The following CFAP57 variants were observed in gnomAD, a reference collection of about 807,000 sequenced individuals.
The protein encoded by CFAP57 is cilia and flagella associated protein 57, also known as cilia- and flagella-associated protein 57.
A neutral mutation model predicts 146.8 loss-of-function variants in CFAP57; 116 were observed. That is an observed-to-expected ratio of 0.79 (90% CI 0.68 to 0.92). The LOEUF (loss-of-function observed/expected upper bound fraction) is 0.92. Among genes scored for constraint, CFAP57 ranks in the 40% least tolerant of loss-of-function variants. CFAP57 has a pLI of 0.00. For missense variants in CFAP57, 1,377 were observed against 1,527.2 expected (o/e 0.90, Z 1.64); for synonymous variants, 518 against 552.8 (o/e 0.94, Z 0.88).
intron 6 of CFAP57, among the ~76,000 whole-genome samples, chr1:43,192,689 C>A (rs1236588913): frequency 6.6e-6 from 1 of 151,864 alleles, no homozygotes; most frequent in African/African-American, 2.4e-5. Context: ...CTTTGGGAGG[C>A]CGAGGTGGGT....
intron 12 of CFAP57, among the ~76,000 whole-genome samples, chr1:43,217,302 G>A (rs1038835190): frequency 3.3e-5 from 5 of 152,102 alleles, no homozygotes; most frequent in African/African-American, 1.2e-4. Context: ...TTCGCATCTC[G>A]GAGAGAATAA....
At chr1:43,204,277 A>T (rs913952005) in intron 9 of CFAP57, among the ~76,000 whole-genome samples, 1 of 152,146 alleles carries the variant, frequency 6.6e-6, no homozygotes, top group Non-Finnish European at 1.5e-5. Context: ...AGTTAATTGA[A>T]CTTATTTGTA....
chr1:43,253,873 T>C (rs1011828658), intron 22 of CFAP57, 104 bp from the exon 23 acceptor site: 6 of 1,012,990 alleles, frequency 5.9e-6, no homozygotes, highest in African/African-American at 1.6e-5. Context: ...TGCTCCACAG[T>C]AGGTGCCCAA....
intron 4 of CFAP57, chr1:43,184,902 G>T (rs542455287): frequency 8.3e-6 from 4 of 479,168 alleles, no homozygotes; most frequent in Non-Finnish European, 1.5e-5. Flanking sequence ...GCATACCTGC[G>T]ACTGTTTTCC....
At chr1:43,181,881 A>G (rs1219511169) in intron 3 of CFAP57, 31 bp downstream of exon 3, 1 of 1,607,976 alleles carries the variant, frequency 6.2e-7, no homozygotes, top group Non-Finnish European at 8.5e-7. Context: ...TATCGTGAAA[A>G]TTATAAAAAA....
intron 16 of CFAP57, 98 bp from the exon 17 acceptor site, chr1:43,223,948 G>A (rs1490320019): frequency 1.5e-6 from 2 of 1,360,534 alleles, no homozygotes; most frequent in Non-Finnish European, 1.0e-6. Flanking sequence ...TCCACAGAAG[G>A]TGGCCAGTGG....
At chr1:43,240,051 G>T (rs1477528757) in intron 21 of CFAP57, among the ~76,000 whole-genome samples, 1 of 152,198 alleles carries the variant, frequency 6.6e-6, no homozygotes, top group Non-Finnish European at 1.5e-5. Context: ...GCAAGGAGAA[G>T]GTCCATGGGA....
chr1:43,232,414 G>A (rs935304848), intron 18 of CFAP57, 94 bp from the exon 19 acceptor site: 9 of 998,332 alleles, frequency 9.0e-6, no homozygotes, highest in Non-Finnish European at 1.4e-5. Flanking sequence ...CCGGGTGTCA[G>A]GGGTGGCATC....
chr1:43,218,869 T>C lies in CFAP57; in HGVS notation c.2092-513T>C, dbSNP rs996459760. On this transcript the variant is annotated intron_variant, in intron 12 of 22. Transcript: ENST00000372492. Reference sequence around the variant, plus strand: ...ATAAATATCTTCTGAGATCTTACTCTGTGTTAGACATTGTTCCCGTACTTG... The same window carrying C: ...ATAAATATCTTCTGAGATCTTACTCCGTGTTAGACATTGTTCCCGTACTTG... Among the ~76,000 whole-genome samples the C allele has an allele frequency of 1.4e-4, 21 of 152,236 alleles. 1 individual carries two copies. The highest frequency in any genetic ancestry group is 4.4e-5 in the Non-Finnish European group (3 of 68,040).
In CFAP57 at chr1:43,226,905, C is replaced by T. The variant is rs1399235500; in HGVS notation, c.2866-78C>T. On this transcript the variant is annotated intron_variant, in intron 17 of 22. Coordinates refer to ENST00000372492, the MANE Select transcript of CFAP57 (RefSeq NM_001378189.1). ...CTTCAACCAGGAGAGTCACAGGCTT[C>T]GTGCTCTTTTGCCCTAAAGGGCTGC... is the stretch of plus-strand genomic sequence containing the variant. The T allele has an allele frequency of 2.1e-5, 29 of 1,398,108 alleles. No individual in the cohort carries two copies. The East Asian group carries it at 2.6e-4, about 13-fold the overall frequency. The allele number at this position is 1,398,108 out of a possible 1,614,324, so 86.6% of individuals were successfully genotyped here. A position where few individuals can be genotyped will look rare whatever the true frequency, so the allele number is the denominator to read the frequency against.
At position 43,206,886 on chromosome 1, in the gene CFAP57, T is replaced by A; in HGVS notation, c.1709T>A (p.Phe570Tyr). 6.2e-7 allele frequency: 1 copy of A among 1,614,176 alleles called. No individual in the cohort carries two copies. The highest frequency in any genetic ancestry group is 2.2e-5 in the East Asian group (1 of 44,866). Residue 570 changes from phenylalanine to tyrosine, a missense_variant, in exon 10 of 23, where the codon TTT becomes TAT. Transcript: ENST00000372492. Reference protein sequence around the residue: ...VTVSPDAKIIFAVGSDHTLKE... With the variant: ...VTVSPDAKIIYAVGSDHTLKE... ...GTCTCCCCCGATGCCAAAATTATCT[T>A]TGCTGTTGGATCAGACCACACCCTC...
At chr1:43,251,040 C>T (rs778537386) in intron 22 of CFAP57, among the ~76,000 whole-genome samples, 2 of 152,170 alleles carry the variant, frequency 1.3e-5, no homozygotes, top group South Asian at 2.1e-4. Context: ...CAGAGAGAGA[C>T]GGAAATTCAC....
intron 6 of CFAP57, among the ~76,000 whole-genome samples, chr1:43,197,349 TC>T (rs1227820690): frequency 6.6e-6 from 1 of 152,044 alleles, no homozygotes; most frequent in African/African-American, 2.4e-5. Context: ...AGAGCGAGAC[TC>T]CATCTCAAAC....
intron 2 of CFAP57, among the ~76,000 whole-genome samples, chr1:43,180,235 A>G (rs1255633658): frequency 1.4e-5 from 2 of 144,320 alleles, no homozygotes; most frequent in African/African-American, 5.0e-5. Context: ...ATATATATAT[A>G]TATAAAATAT....
At chr1:43,190,055 T>A (rs528450206) in intron 6 of CFAP57, among the ~76,000 whole-genome samples, 53 of 152,262 alleles carry the variant, frequency 3.5e-4, no homozygotes, top group African/African-American at 1.2e-3. Context: ...TTTATCAGCG[T>A]TTTTAGTGAA....
chr1:43,228,242 T>C (rs1331357371), intron 18 of CFAP57, among the ~76,000 whole-genome samples: 1 of 152,238 alleles, frequency 6.6e-6, no homozygotes, highest in Non-Finnish European at 1.5e-5. Flanking sequence ...TTCTGACAGT[T>C]CCTGTAAGTC....
intron 5 of CFAP57, among the ~76,000 whole-genome samples, chr1:43,186,458 A>G (rs547106188): frequency 6.6e-6 from 1 of 152,092 alleles, no homozygotes; most frequent in South Asian, 2.1e-4. Flanking sequence ...AAAAATACAA[A>G]AAATTAGCCA....
In CFAP57 at chr1:43,181,771, A is replaced by T. The variant is rs1162188717; in HGVS notation, c.395A>T (p.Asn132Ile). ...GCTCAGACGTCACCTCCAGAGTCAA[A>T]TCTTGTCTACTGGCTGTGGGAAAAA... ...LLAQTSPPES[N>I]LVYWLWEKQK... The change falls in exon 3 of 23, where the codon AAT (asparagine) becomes ATT (isoleucine). Residue 132 changes from asparagine (N) to isoleucine (I), a missense_variant. Coordinates refer to ENST00000372492, the MANE Select transcript of CFAP57 (RefSeq NM_001378189.1). 6.2e-7 allele frequency: 1 copy of T among 1,614,202 alleles called. No homozygotes were observed. Among genetic ancestry groups the T allele is most frequent in the Admixed American group, 1.7e-5 (1 of 60,026 alleles).
At chr1:43,242,718 G>T (rs1354720171) in intron 21 of CFAP57, among the ~76,000 whole-genome samples, 1 of 152,080 alleles carries the variant, frequency 6.6e-6, no homozygotes, top group African/African-American at 2.4e-5. Context: ...AGACTGTTGG[G>T]GTTGGAATCC....
Sources: gnomAD v4.1 joint callset for allele counts (sites outside exome capture counted in the v4.1 genomes callset) on GRCh38, gnomAD v4.1.1 for gene constraint, MANE v1.5 for transcripts, NCBI Gene and HGNC (gene_info 2026-07-23, HGNC 2026-07-21) for gene names.